SLC35F3: variants seen among roughly 807,000 people sequenced by gnomAD.
The protein encoded by SLC35F3 is putative thiamine transporter SLC35F3.
SLC35F3 carries 25 observed loss-of-function variants against 49.9 expected under a neutral mutation model. That is an observed-to-expected ratio of 0.50 (90% CI 0.37 to 0.70). The LOEUF (loss-of-function observed/expected upper bound fraction) is 0.70, where lower values mean the gene tolerates loss of function less well. Among genes scored for constraint, SLC35F3 ranks in the 30% least tolerant of loss-of-function variants. The pLI is 0.00. For synonymous variants in SLC35F3, 275 were observed against 265.4 expected, an observed-to-expected ratio of 1.04 and a Z score of -0.35; for missense variants, 525 against 639.8, an observed-to-expected ratio of 0.82 and a Z score of 1.94.
intron 2 of SLC35F3, among the ~76,000 whole-genome samples, chr1:234,061,897 G>GT (rs1429792039): frequency 2.0e-5 from 3 of 151,812 alleles, no homozygotes; most frequent in Non-Finnish European, 4.4e-5. Context: ...GTTTCTTTTC[G>GT]TTTTTTTGAA....
chr1:234,047,583 T>G (rs1664309882), intron 2 of SLC35F3, among the ~76,000 whole-genome samples: 1 of 152,172 alleles, frequency 6.6e-6, no homozygotes, highest in African/African-American at 2.4e-5. Flanking sequence ...AACTATACCA[T>G]CAGCTGTCTT....
Position 234,323,414 on chromosome 1 carries a change from C to A in SLC35F3, c.*171C>A. The A allele has an allele frequency of 1.6e-6, 1 of 607,724 alleles. No homozygotes were observed. The highest frequency in any genetic ancestry group is 2.9e-5 in the Admixed American group (1 of 33,940). 37.6% of individuals were successfully genotyped at this position (607,724 alleles called of 1,614,324 possible). A position where few individuals can be genotyped will look rare whatever the true frequency, so the allele number is the denominator to read the frequency against. The stretch of plus-strand genomic sequence containing the variant: ...GCACTTTTCCACATCAGACCTTCCA[C>A]TTAAGGGTACCAATTCAATACAAAA... On this transcript the variant is annotated 3_prime_UTR_variant, in exon 8 of 8. Transcript: ENST00000366618. This position sits in a 1 kb window ranked among gnomAD's most constrained non-coding sequence, Gnocchi z 4.5.
intron 2 of SLC35F3, among the ~76,000 whole-genome samples, chr1:234,047,702 C>T (rs952993343): frequency 3.9e-5 from 6 of 152,026 alleles, no homozygotes; most frequent in Non-Finnish European, 7.4e-5. Context: ...CATACATACA[C>T]ACACACACAC....
intron 4 of SLC35F3, among the ~76,000 whole-genome samples, chr1:234,310,782 C>G (rs955726694): frequency 5.9e-5 from 9 of 152,338 alleles, no homozygotes; most frequent in Non-Finnish European, 1.2e-4. Context: ...AATTCTGCAT[C>G]TAGCAGAAGA....
chr1:234,124,398 A>C (rs553219860), intron 2 of SLC35F3, among the ~76,000 whole-genome samples: 20 of 152,350 alleles, frequency 1.3e-4, no homozygotes, highest in Admixed American at 2.6e-4. Context: ...GAGAAGATTT[A>C]GGGAGAAACT....
intron 2 of SLC35F3, among the ~76,000 whole-genome samples, chr1:234,230,718 G>A (rs947886502): frequency 6.6e-6 from 1 of 152,184 alleles, no homozygotes; most frequent in Non-Finnish European, 1.5e-5. Flanking sequence ...AGTGTCTGTG[G>A]CCTTTCACAC....
chr1:234,029,456 A>G (rs1306181845), intron 2 of SLC35F3, among the ~76,000 whole-genome samples: 1 of 152,080 alleles, frequency 6.6e-6, no homozygotes, highest in Non-Finnish European at 1.5e-5. Flanking sequence ...GCAGGTGGAG[A>G]CATGTGGCTC....
chr1:234,197,485 G>A (rs115666096), intron 2 of SLC35F3, among the ~76,000 whole-genome samples: 1,686 of 152,352 alleles, frequency 0.011, 31 homozygotes, highest in African/African-American at 0.038. Context: ...CCAGCACAGT[G>A]CCTGGTACAT....
intron 2 of SLC35F3, among the ~76,000 whole-genome samples, chr1:234,131,334 G>A (rs996404402): frequency 1.3e-5 from 2 of 152,092 alleles, no homozygotes; most frequent in Admixed American, 6.5e-5. Context: ...TTTCTTCTCC[G>A]TAGAGGTAGC....
chr1:233,973,151 C>T (rs535770354), intron 2 of SLC35F3, among the ~76,000 whole-genome samples: 75 of 152,392 alleles, frequency 4.9e-4, no homozygotes, highest in African/African-American at 1.8e-3. Flanking sequence ...ATCAGAGGCA[C>T]ATGGCTCCCA....
At chr1:233,905,211 A>G (rs1661752442) in intron 1 of SLC35F3, 81 bp downstream of exon 1, 2 of 1,461,740 alleles carry the variant, frequency 1.4e-6, no homozygotes, top group South Asian at 1.2e-5. Context: ...CAGCTGGGAC[A>G]CTGGGCAGTC....
At chr1:234,261,075 A>G (rs1391058458) in intron 3 of SLC35F3, among the ~76,000 whole-genome samples, 1 of 152,208 alleles carries the variant, frequency 6.6e-6, no homozygotes, top group East Asian at 1.9e-4. Flanking sequence ...TTTGGCTAAC[A>G]CAATGCTAAG....
chr1:234,139,508 T>C lies in SLC35F3; in HGVS notation c.284-91909T>C, dbSNP rs1454445919. Among the ~76,000 whole-genome samples the C allele has an allele frequency of 9.2e-5, 14 of 152,296 alleles. No individual in the cohort carries two copies. In the East Asian group the frequency reaches 2.7e-3, roughly 29 times the overall value. ...GTAATATGGGACACACTTATAGTTT[T>C]TATATCGTCCTTTTACATAAAATTG... is the stretch of plus-strand genomic sequence containing the variant. On this transcript the variant is annotated intron_variant, in intron 2 of 7. Transcript: ENST00000366618.
chr1:233,981,666 A>G (rs1281899071), intron 2 of SLC35F3, among the ~76,000 whole-genome samples: 7 of 119,826 alleles, frequency 5.8e-5, no homozygotes, highest in Non-Finnish European at 1.2e-4. Context: ...TTTTCTCTGG[A>G]AAAAAAAAAA....
intron 2 of SLC35F3, among the ~76,000 whole-genome samples, chr1:234,073,214 G>A (rs2102868775): frequency 6.6e-6 from 1 of 152,246 alleles, no homozygotes; most frequent in African/African-American, 2.4e-5. Context: ...CGTGATCATA[G>A]CACACTGCAG....
intron 2 of SLC35F3, among the ~76,000 whole-genome samples, chr1:234,144,347 A>G (rs1665965807): frequency 6.6e-6 from 1 of 152,188 alleles, no homozygotes; most frequent in Non-Finnish European, 1.5e-5. Context: ...CAAGGGGGTT[A>G]GGGAACATCT....
chr1:233,969,572 C>T (rs1211755282), intron 2 of SLC35F3, among the ~76,000 whole-genome samples: 1 of 152,166 alleles, frequency 6.6e-6, no homozygotes, highest in Non-Finnish European at 1.5e-5. Flanking sequence ...GTGTAGCTCC[C>T]CTGCTTCTTC....
At chr1:234,025,057 G>A (rs1307157096) in intron 2 of SLC35F3, among the ~76,000 whole-genome samples, 2 of 152,246 alleles carry the variant, frequency 1.3e-5, no homozygotes, top group African/African-American at 4.8e-5. Flanking sequence ...CCGTTATAAG[G>A]AGAACATGTG....
chr1:234,222,469 C>G (rs945249207), intron 2 of SLC35F3, among the ~76,000 whole-genome samples: 1 of 152,148 alleles, frequency 6.6e-6, no homozygotes, highest in South Asian at 2.1e-4. Context: ...TTGCTCTGTT[C>G]TGCTCATTTT....
Sources: allele counts gnomAD v4.1 joint callset (sites outside exome capture counted in the v4.1 genomes callset), GRCh38; gene constraint gnomAD v4.1.1; non-coding constraint Gnocchi (gnomAD v3.1); transcripts MANE v1.5; gene names NCBI Gene and HGNC (gene_info 2026-07-23, HGNC 2026-07-21).